Variants in NPVF observed in about 807,000 individuals in gnomAD.
NPVF encodes the protein pro-FMRFamide-related neuropeptide VF.
In NPVF, 17 loss-of-function variants were observed where a neutral mutation model predicts 15.7. The ratio of observed to expected loss-of-function variants is 1.08; its 90% CI spans 0.74 to 1.62. NPVF has a LOEUF of 1.62. Among genes scored for constraint, NPVF ranks in the 40% most tolerant of loss-of-function variants. NPVF has a pLI of 0.00. For missense variants in NPVF, 270 were observed against 225.2 expected, an observed-to-expected ratio of 1.20 and a Z score of -1.27; for synonymous variants, 70 against 80.1, an observed-to-expected ratio of 0.87 and a Z score of 0.67.
At chr7:25,226,044 T>A (rs999826381) in intron 2 of NPVF, among the ~76,000 whole-genome samples, 6 of 152,200 alleles carry the variant, frequency 3.9e-5, no homozygotes, top group Non-Finnish European at 7.4e-5. Flanking sequence ...AAAAAAAATT[T>A]TTTTTAAGCA....
rs1458125598 is a variant in NPVF at position 25,228,327 on chromosome 7, T to G, written c.113A>C (p.Lys38Thr). The G allele has an allele frequency of 6.6e-7, 1 of 1,520,858 alleles. No homozygotes were observed. The highest frequency in any genetic ancestry group is 2.3e-5 in the East Asian group (1 of 43,922). 94.2% of individuals were successfully genotyped at this position (1,520,858 alleles called of 1,614,324 possible). ...CTCAGAATATTTGTCATAATTTTCT[T>G]TGCTGTGAAGATTGGACATCACTAA... ...DELVMSNLHS[K>T]ENYDKYSEPR... is the part of the protein sequence containing the mutation. Residue 38 changes from lysine to threonine, a missense_variant, in exon 1 of 3, where the codon AAA (lysine) becomes ACA (threonine). Physicochemically the swap from Lys to Thr is moderately conservative, Grantham distance 78. Transcript: ENST00000222674.
At chr7:25,225,443 C>T (rs1173006924) in intron 2 of NPVF, among the ~76,000 whole-genome samples, 1 of 152,240 alleles carries the variant, frequency 6.6e-6, no homozygotes, top group South Asian at 2.1e-4. Flanking sequence ...CATCCCACAA[C>T]CTCAGCAGAA....
intron 2 of NPVF, among the ~76,000 whole-genome samples, chr7:25,225,449 C>T (rs1783113048): frequency 6.6e-6 from 1 of 152,240 alleles, no homozygotes; most frequent in Non-Finnish European, 1.5e-5. Context: ...ACAACCTCAG[C>T]AGAAATGTCA....
In NPVF at chr7:25,224,857, GTCTC is replaced by G. The variant is rs774332658; in HGVS notation, c.*261_*264del. 19 of 430,144 alleles carry G rather than the reference GTCTC, an allele frequency of 4.4e-5. No individual in the cohort carries two copies. The highest frequency in any genetic ancestry group is 2.8e-4 in the East Asian group (7 of 24,600). The allele number at this position is 430,144 out of a possible 1,614,324, so 26.6% of individuals were successfully genotyped here. On this transcript the variant is annotated 3_prime_UTR_variant, in exon 3 of 3. Transcript: ENST00000222674. ...TATAGGGTAGTGAGGAGGGTCCTCTGTCTCTCTCTCCATTATCAGAGATTTCTAA... is the reference window on the plus strand; with the variant it reads ...TATAGGGTAGTGAGGAGGGTCCTCTGTCTCTCCATTATCAGAGATTTCTAA...
intron 2 of NPVF, 150 bp downstream of exon 2, chr7:25,226,476 G>A (rs55858903): frequency 0.21 from 177,326 of 862,842 alleles, 20,814 homozygotes; most frequent in East Asian, 0.5. Context: ...CAATTTACAG[G>A]TATTTAGTTC....
At chr7:25,226,078 A>T (rs1783124488) in intron 2 of NPVF, among the ~76,000 whole-genome samples, 1 of 152,216 alleles carries the variant, frequency 6.6e-6, no homozygotes, top group Admixed American at 6.5e-5. Context: ...ATAAAAGAAC[A>T]GGTAGGTAGG....
At chr7:25,227,250 A>G (rs140843400) in intron 1 of NPVF, among the ~76,000 whole-genome samples, 1 of 152,314 alleles carries the variant, frequency 6.6e-6, no homozygotes, top group East Asian at 1.9e-4. Context: ...AAATATTTAT[A>G]AAATATATAT....
chr7:25,227,086 C>T (rs1783140735), intron 1 of NPVF, 60 bp from the exon 2 acceptor site: 1 of 1,380,194 alleles, frequency 7.2e-7, no homozygotes, highest in South Asian at 1.4e-5. Context: ...AGATTTAAAC[C>T]CCCAATTAAC....
rs1783104756 is a variant in NPVF at position 25,224,831 on chromosome 7, A to T, written c.*291T>A. 1 of 320,514 alleles carries T rather than the reference A, an allele frequency of 3.1e-6. No individual in the cohort carries two copies. The highest frequency in any genetic ancestry group is 1.1e-4 in the South Asian group (1 of 9,462). 19.9% of individuals were successfully genotyped at this position (320,514 alleles called of 1,614,324 possible). A position where few individuals can be genotyped will look rare whatever the true frequency, so the allele number is the denominator to read the frequency against. ...AAGTGTAACTGTGCCAATGATTTTTATATAGGGTAGTGAGGAGGGTCCTCT... is the reference window on the plus strand; with the variant it reads ...AAGTGTAACTGTGCCAATGATTTTTTTATAGGGTAGTGAGGAGGGTCCTCT... On this transcript the variant is annotated 3_prime_UTR_variant, in exon 3 of 3. Coordinates refer to ENST00000222674, the MANE Select transcript of NPVF (RefSeq NM_022150.3).
At chr7:25,225,544 T>G (rs971953031) in intron 2 of NPVF, among the ~76,000 whole-genome samples, 1 of 152,218 alleles carries the variant, frequency 6.6e-6, no homozygotes, top group East Asian at 1.9e-4. Context: ...ACTCTAACGG[T>G]CTAGACTTCT....
Position 25,228,486 on chromosome 7 carries a change from T to A in NPVF, c.-47A>T, listed in dbSNP as rs761741182. 16 of 1,417,268 alleles carry A rather than the reference T, an allele frequency of 1.1e-5. No homozygotes were observed. The highest frequency in any genetic ancestry group is 9.6e-7 in the Non-Finnish European group (1 of 1,039,506). The allele number at this position is 1,417,268 out of a possible 1,614,324, so 87.8% of individuals were successfully genotyped here. ...GTCTCTATGTGCAGCCCAATGTTTA[T>A]GAGAGGAGAAAAAAATTGTGGTGTT... On this transcript the variant is annotated 5_prime_UTR_variant, in exon 1 of 3. Transcript: ENST00000222674.
intron 1 of NPVF, 34 bp from the exon 2 acceptor site, chr7:25,227,060 T>A: frequency 6.5e-7 from 1 of 1,533,326 alleles, no homozygotes; most frequent in South Asian, 1.2e-5. Context: ...AATAACATAC[T>A]GTTGTTATAA....
intron 2 of NPVF, among the ~76,000 whole-genome samples, chr7:25,226,138 A>G (rs981038850): frequency 6.6e-6 from 1 of 152,218 alleles, no homozygotes; most frequent in African/African-American, 2.4e-5. Flanking sequence ...GAGATAATAC[A>G]TATTTCTTAA....
At chr7:25,225,955 G>T (rs1347209293) in intron 2 of NPVF, among the ~76,000 whole-genome samples, 1 of 152,084 alleles carries the variant, frequency 6.6e-6, no homozygotes, top group Non-Finnish European at 1.5e-5. Flanking sequence ...GTCCTGAGAA[G>T]GTCTCTCAGA....
rs575749050 is a variant in NPVF, at chr7:25,226,669, A to G, written c.496T>C (p.Cys166Arg). 27 of 1,614,122 alleles carry G rather than the reference A, an allele frequency of 1.7e-5. 2 individuals are homozygous for G. The African/African-American group carries it at 1.7e-4, about 10-fold the overall frequency. Reference sequence around the variant, plus strand: ...GGATTCTGGATTTCTTGGTGCTGGCAGGTCATGGAGTAAAATAAGTCATTG... The same window carrying G: ...GGATTCTGGATTTCTTGGTGCTGGCGGGTCATGGAGTAAAATAAGTCATTG... ...CANDLFYSMT[C>R]QHQEIQNPDQ... Residue 166 changes from cysteine (C) to arginine (R), a missense_variant, in exon 2 of 3, where the codon TGC becomes CGC. Coordinates refer to ENST00000222674, the MANE Select transcript of NPVF (RefSeq NM_022150.3).
At chr7:25,226,579 C>T in intron 2 of NPVF, 47 bp downstream of exon 2, 1 of 1,580,286 alleles carries the variant, frequency 6.3e-7, no homozygotes, top group Non-Finnish European at 8.6e-7. Context: ...TTCTAGACCA[C>T]CTCTATATAA....
intron 1 of NPVF, 77 bp downstream of exon 1, chr7:25,228,225 C>G: frequency 1.9e-6 from 2 of 1,052,210 alleles, no homozygotes; most frequent in Admixed American, 2.2e-5. Context: ...ACTTCTTAGT[C>G]TTTACAAAAT....
At chr7:25,225,455 T>A (rs187948942) in intron 2 of NPVF, among the ~76,000 whole-genome samples, 20 of 152,222 alleles carry the variant, frequency 1.3e-4, no homozygotes, top group African/African-American at 4.8e-4. Flanking sequence ...TCAGCAGAAA[T>A]GTCAGTGGTT....
At chr7:25,227,088 C>T in intron 1 of NPVF, 62 bp from the exon 2 acceptor site, 1 of 1,370,728 alleles carries the variant, frequency 7.3e-7, no homozygotes, top group Non-Finnish European at 1.0e-6. Flanking sequence ...ATTTAAACCC[C>T]CAATTAACTT....
Sources: allele counts gnomAD v4.1 joint callset (sites outside exome capture counted in the v4.1 genomes callset), GRCh38; gene constraint gnomAD v4.1.1; transcripts MANE v1.5; gene names NCBI Gene and HGNC (gene_info 2026-07-23, HGNC 2026-07-21).